The following CCNK variants were observed in gnomAD, a reference collection of about 807,000 sequenced individuals.
CCNK encodes the protein cyclin-K.
Under a neutral mutation model 65.0 loss-of-function variants are expected in CCNK, and 9 were observed. The observed-to-expected ratio is 0.14, with a 90% CI of 0.08 to 0.24. The LOEUF is 0.24. Among genes scored for constraint, CCNK ranks in the 10% least tolerant of loss-of-function variants. CCNK has a pLI of 1.00. For missense variants in CCNK, 474 were observed against 720.0 expected (o/e 0.66, Z 3.91); for synonymous variants, 279 against 270.8 (o/e 1.03, Z -0.30).
In CCNK at chr14:99,506,857, T is replaced by C. The variant is rs934965377; in HGVS notation, c.1046-219T>C. The stretch of plus-strand genomic sequence containing the variant: ...GTAGACATGGAAAATGGGCTGCCTG[T>C]GGGAAGCTCGCAGGTCTTTTGGAGG... On this transcript the variant is annotated intron_variant, in intron 9 of 10. Transcript: ENST00000389879. 6 of 522,536 alleles carry C rather than the reference T, an allele frequency of 1.1e-5. No individual in the cohort carries two copies. In the Admixed American group the frequency reaches 1.6e-4, roughly 14 times the overall value. 32.4% of individuals were successfully genotyped at this position (522,536 alleles called of 1,614,324 possible). A position where few individuals can be genotyped will look rare whatever the true frequency, so the allele number is the denominator to read the frequency against.
chr14:99,489,002 G>C (rs1595305552), intron 1 of CCNK, among the ~76,000 whole-genome samples: 1 of 151,626 alleles, frequency 6.6e-6, no homozygotes, highest in Admixed American at 6.6e-5. Flanking sequence ...TCCCAGGCAG[G>C]CTCCAACCCC....
intron 1 of CCNK, among the ~76,000 whole-genome samples, chr14:99,491,693 G>A (rs1896601632): frequency 6.6e-6 from 1 of 152,214 alleles, no homozygotes; most frequent in South Asian, 2.1e-4. Flanking sequence ...CCAGAAATGA[G>A]GCAGATACAC....
chr14:99,503,654 T>C lies in CCNK; in HGVS notation c.1045+10T>C, dbSNP rs1896898328. 1 of 1,553,944 alleles carries C rather than the reference T, an allele frequency of 6.4e-7. No homozygotes were observed. Among genetic ancestry groups the C allele is most frequent in the Non-Finnish European group, 8.7e-7 (1 of 1,147,384 alleles). ...GAGAACAAAGCAGCAGGTAATTTCCTGTTCTGATGTTTTTTTAGTTTTATG... is the reference window on the plus strand; with the variant it reads ...GAGAACAAAGCAGCAGGTAATTTCCCGTTCTGATGTTTTTTTAGTTTTATG... On this transcript the variant is annotated intron_variant, in intron 9 of 10. Coordinates refer to ENST00000389879, the MANE Select transcript of CCNK (RefSeq NM_001099402.2).
At chr14:99,486,220 T>A (rs1896481787) in intron 1 of CCNK, among the ~76,000 whole-genome samples, 1 of 152,232 alleles carries the variant, frequency 6.6e-6, no homozygotes, top group Non-Finnish European at 1.5e-5. Context: ...ATGGTTTGTT[T>A]TGCAACAAAG....
intron 3 of CCNK, chr14:99,495,057 G>A (rs1166361942): frequency 1.3e-5 from 2 of 154,066 alleles, no homozygotes; most frequent in African/African-American, 4.8e-5. Flanking sequence ...AGCATGGGCA[G>A]TGCTGAGATG....
chr14:99,496,486 G>A (rs531160051), intron 4 of CCNK, among the ~76,000 whole-genome samples: 12 of 152,138 alleles, frequency 7.9e-5, no homozygotes, highest in Non-Finnish European at 1.2e-4. Context: ...TGAGGCGGGC[G>A]GATCACGAGG....
At position 99,501,425 on chromosome 14, in the gene CCNK, C is replaced by T. The variant is rs908214268; in HGVS notation, c.575+12C>T. On this transcript the variant is annotated intron_variant, in intron 6 of 10. Coordinates refer to ENST00000389879, the MANE Select transcript of CCNK (RefSeq NM_001099402.2). The stretch of plus-strand genomic sequence containing the variant: ...TTTGTAAATGACAGGTATACATGTT[C>T]AAATGTTGATTAATTACAGTATTTT... 6 of 1,542,540 alleles carry T rather than the reference C, an allele frequency of 3.9e-6. No individual in the cohort carries two copies. Among genetic ancestry groups the T allele is most frequent in the African/African-American group, 2.7e-5 (2 of 73,336 alleles).
chr14:99,498,143 G>A (rs180841696), intron 4 of CCNK, among the ~76,000 whole-genome samples: 1 of 152,304 alleles, frequency 6.6e-6, no homozygotes, highest in African/African-American at 2.4e-5. Flanking sequence ...ACTCGTGGCA[G>A]CTGCTGGTTT....
At chr14:99,481,776 A>C (rs1268043091) in intron 1 of CCNK, among the ~76,000 whole-genome samples, 1 of 152,222 alleles carries the variant, frequency 6.6e-6, no homozygotes, top group East Asian at 1.9e-4. Flanking sequence ...GGGGTTGGGC[A>C]AAAGGGGCAG....
chr14:99,503,119 TG>T, intron 8 of CCNK, 135 bp downstream of exon 8: 1 of 1,001,934 alleles, frequency 1.0e-6, no homozygotes, highest in South Asian at 1.3e-5. Context: ...GCAGTCCGAC[TG>T]CTTGTCGGTG....
chr14:99,490,215 C>A (rs977875074), intron 1 of CCNK, among the ~76,000 whole-genome samples: 1 of 152,100 alleles, frequency 6.6e-6, no homozygotes, highest in African/African-American at 2.4e-5. Context: ...TGACTTGCAT[C>A]TAAGGAATAG....
intron 10 of CCNK, 199 bp downstream of exon 10, chr14:99,507,346 G>A: frequency 1.7e-6 from 1 of 573,478 alleles, no homozygotes; most frequent in Non-Finnish European, 3.1e-6. Context: ...GGAGGCGGAG[G>A]CAGGAGAATC....
chr14:99,502,703 G>A lies in CCNK; in HGVS notation c.746-16G>A. 1 of 1,608,612 alleles carries A rather than the reference G, an allele frequency of 6.2e-7. No homozygotes were observed. The highest frequency in any genetic ancestry group is 1.1e-5 in the South Asian group (1 of 90,870). ...ATACCAATTTGTGTAAAATGTAATT[G>A]TTGGCTATCATTTAGACATCTGCCA... On this transcript the variant is annotated splice_polypyrimidine_tract_variant and intron_variant, in intron 7 of 10. Coordinates refer to ENST00000389879, the MANE Select transcript of CCNK (RefSeq NM_001099402.2).
intron 4 of CCNK, 81 bp from the exon 5 acceptor site, chr14:99,500,685 A>T: frequency 1.1e-6 from 1 of 895,352 alleles, no homozygotes; most frequent in Non-Finnish European, 1.8e-6. Flanking sequence ...GAGAATAAAT[A>T]GACAGGAAAG....
At chr14:99,489,727 A>G (rs971606333) in intron 1 of CCNK, among the ~76,000 whole-genome samples, 6 of 152,218 alleles carry the variant, frequency 3.9e-5, no homozygotes, top group African/African-American at 1.2e-4. Context: ...TGAGTATGTT[A>G]AATATTTACA....
At chr14:99,488,120 C>G (rs866342710) in intron 1 of CCNK, among the ~76,000 whole-genome samples, 1 of 152,164 alleles carries the variant, frequency 6.6e-6, no homozygotes. Context: ...CAAAATACTT[C>G]AGCCTTCATC....
At position 99,481,412 on chromosome 14, in the gene CCNK, A is replaced by AT. The variant is rs540333454; in HGVS notation, c.-118dup. 443 of 398,652 alleles carry AT rather than the reference A, an allele frequency of 1.1e-3. 2 individuals carry two copies. The highest frequency in any genetic ancestry group is 8.3e-3 in the African/African-American group (406 of 48,768). The allele number at this position is 398,652 out of a possible 1,614,324, so 24.7% of individuals were successfully genotyped here. Reference sequence around the variant, plus strand: ...CAGCGTGATGACGTAGGTCCCCGACATTCCATATACAAGATGGCCGCAGTC... The same window carrying AT: ...CAGCGTGATGACGTAGGTCCCCGACATTTCCATATACAAGATGGCCGCAGTC... On this transcript the variant is annotated 5_prime_UTR_variant, in exon 1 of 11. Coordinates refer to ENST00000389879, the MANE Select transcript of CCNK (RefSeq NM_001099402.2).
chr14:99,484,492 A>C (rs982358752), intron 1 of CCNK, among the ~76,000 whole-genome samples: 5 of 152,260 alleles, frequency 3.3e-5, no homozygotes, highest in African/African-American at 1.2e-4. Context: ...AGAGAATGTA[A>C]AAATTGCTTT....
chr14:99,490,019 A>G (rs1054509084), intron 1 of CCNK, among the ~76,000 whole-genome samples: 1 of 152,256 alleles, frequency 6.6e-6, no homozygotes, highest in African/African-American at 2.4e-5. Flanking sequence ...GGTGAATGCT[A>G]AAATTAGTAG....
Sources: allele counts gnomAD v4.1 joint callset (sites outside exome capture counted in the v4.1 genomes callset), GRCh38; gene constraint gnomAD v4.1.1; transcripts MANE v1.5; gene names NCBI Gene and HGNC (gene_info 2026-07-23, HGNC 2026-07-21).